LANCL3: variants seen among roughly 807,000 people sequenced by gnomAD.
LANCL3 encodes the protein LanC like family member 3.
In LANCL3, 19 loss-of-function variants were observed where a neutral mutation model predicts 26.5. The ratio of observed to expected loss-of-function variants is 0.72; its 90% CI spans 0.50 to 1.05. The LOEUF is 1.05. Among genes scored for constraint, LANCL3 ranks in the 50% least tolerant of loss-of-function variants. The pLI is 0.00. For missense variants in LANCL3, 318 were observed against 362.7 expected, an observed-to-expected ratio of 0.88 and a Z score of 1.00; for synonymous variants, 160 against 166.6, an observed-to-expected ratio of 0.96 and a Z score of 0.30.
chrX:37,610,021 T>C (rs1175721548), intron 1 of LANCL3, among the ~76,000 whole-genome samples: 4 of 112,434 alleles, frequency 3.6e-5, no homozygotes, highest in Non-Finnish European at 7.5e-5. Flanking sequence ...ATAATGGCAA[T>C]CATTTATTTT....
intron 1 of LANCL3, among the ~76,000 whole-genome samples, chrX:37,630,714 G>A (rs1348115054): frequency 9.0e-6 from 1 of 110,623 alleles, no homozygotes; most frequent in Middle Eastern, 4.6e-3. Context: ...ATAATCATGC[G>A]GTTTTTGTCT....
intron 1 of LANCL3, among the ~76,000 whole-genome samples, chrX:37,607,229 T>G (rs1602105414): frequency 8.9e-6 from 1 of 112,633 alleles, no homozygotes; most frequent in Non-Finnish European, 1.9e-5. Context: ...TTCTACTTCC[T>G]GAACCATTTT....
chrX:37,615,195 G>C (rs1378570717), intron 1 of LANCL3, among the ~76,000 whole-genome samples: 4 of 111,663 alleles, frequency 3.6e-5, no homozygotes, highest in Non-Finnish European at 7.5e-5. Context: ...AATGCGCGTA[G>C]AAGTCCCCAG....
intron 3 of LANCL3, among the ~76,000 whole-genome samples, chrX:37,666,111 G>A (rs1208978713): frequency 2.7e-5 from 3 of 111,801 alleles, no homozygotes; most frequent in Non-Finnish European, 3.8e-5. Flanking sequence ...CACTTAAAAA[G>A]GGTATGAAAT....
intron 1 of LANCL3, among the ~76,000 whole-genome samples, chrX:37,615,813 T>C (rs782558338): frequency 8.9e-6 from 1 of 111,996 alleles, no homozygotes; most frequent in Admixed American, 9.5e-5. Flanking sequence ...GCCTTTGCTT[T>C]TGAAAAAATA....
At chrX:37,629,360 A>C (rs1472489533) in intron 1 of LANCL3, among the ~76,000 whole-genome samples, 1 of 107,960 alleles carries the variant, frequency 9.3e-6, no homozygotes, top group Non-Finnish European at 1.9e-5. Flanking sequence ...CCTTTGTCAG[A>C]TGAGTAGGTT....
intron 1 of LANCL3, among the ~76,000 whole-genome samples, chrX:37,599,227 G>C (rs1356006622): frequency 8.9e-6 from 1 of 111,929 alleles, no homozygotes; most frequent in African/African-American, 3.2e-5. Flanking sequence ...CTCTGGTGAT[G>C]TATCAGTATG....
intron 1 of LANCL3, among the ~76,000 whole-genome samples, chrX:37,603,937 C>T (rs911300406): frequency 8.9e-6 from 1 of 112,328 alleles, no homozygotes; most frequent in Non-Finnish European, 1.9e-5. Flanking sequence ...TATCTCACCT[C>T]TACAAAATGA....
At chrX:37,642,649 A>G (rs782140489) in intron 1 of LANCL3, among the ~76,000 whole-genome samples, 2 of 112,144 alleles carry the variant, frequency 1.8e-5, no homozygotes, top group African/African-American at 6.5e-5. Flanking sequence ...AAGCTCCTGC[A>G]GATTCCTCCA....
At chrX:37,572,891 G>C (rs781969833) in intron 1 of LANCL3, among the ~76,000 whole-genome samples, 2 of 112,098 alleles carry the variant, frequency 1.8e-5, no homozygotes, top group East Asian at 5.6e-4. Flanking sequence ...GGAGCCCTGG[G>C]TCTGTAACCA....
At chrX:37,576,011 TTC>T (rs1241535027) in intron 1 of LANCL3, among the ~76,000 whole-genome samples, 2 of 112,072 alleles carry the variant, frequency 1.8e-5, no homozygotes, top group Non-Finnish European at 3.8e-5. Flanking sequence ...CTGATTCTAT[TTC>T]TCACTTTGTG....
At chrX:37,645,142 C>T (rs1483843470) in intron 1 of LANCL3, among the ~76,000 whole-genome samples, 13 of 112,337 alleles carry the variant, frequency 1.2e-4, no homozygotes, top group Admixed American at 5.7e-4. Flanking sequence ...ATCTTTAAAG[C>T]CAGCAGTCAG....
At chrX:37,671,986 C>T (rs1201419728) in intron 4 of LANCL3, among the ~76,000 whole-genome samples, 1 of 111,363 alleles carries the variant, frequency 9.0e-6, no homozygotes, top group Non-Finnish European at 1.9e-5. Flanking sequence ...ATCATCTAGG[C>T]TAGTGGGATT....
chrX:37,680,396 G>A lies in LANCL3; in HGVS notation c.*4583G>A, dbSNP rs1926908392. On this transcript the variant is annotated 3_prime_UTR_variant, in exon 5 of 5. Coordinates refer to ENST00000378619, the MANE Select transcript of LANCL3 (RefSeq NM_001170331.2). Reference sequence around the variant, plus strand: ...AGTACCAATGAATCGAGGCCTGGTGGATGATGCCTTTAGAGTTTTTTGTTT... The same window carrying A: ...AGTACCAATGAATCGAGGCCTGGTGAATGATGCCTTTAGAGTTTTTTGTTT... 1.8e-5 allele frequency: 2 copies of A among 111,753 alleles called. 1 individual carries two copies. Among genetic ancestry groups the A allele is most frequent in the Admixed American group, 1.9e-4 (2 of 10,513 alleles). The allele number at this position is 111,753 out of a possible 1,213,427, so 9.2% of individuals were successfully genotyped here.
In LANCL3 at chrX:37,647,726, C is replaced by G. The variant is rs1187060015; in HGVS notation, c.574-7962C>G. On this transcript the variant is annotated intron_variant, in intron 1 of 4. Transcript: ENST00000378619. Reference sequence around the variant, plus strand: ...CCTAGGGTGGGAAGTCTAGCACCTCCTTACAGTTGTTTCAGATTCTGTAAG... The same window carrying G: ...CCTAGGGTGGGAAGTCTAGCACCTCGTTACAGTTGTTTCAGATTCTGTAAG... Among the ~76,000 whole-genome samples, 5 of 112,503 alleles carry G rather than the reference C, an allele frequency of 4.4e-5. No homozygotes were observed. The South Asian group carries it at 1.5e-3, about 33-fold the overall frequency.
chrX:37,662,473 A>C (rs1556432736), intron 3 of LANCL3, among the ~76,000 whole-genome samples: 1 of 111,735 alleles, frequency 8.9e-6, no homozygotes, highest in Admixed American at 9.5e-5. Flanking sequence ...AGGCTTTTGC[A>C]GTGCAGATAT....
chrX:37,639,258 CAT>C (rs782214661), intron 1 of LANCL3, among the ~76,000 whole-genome samples: 1 of 100,363 alleles, frequency 1.0e-5, no homozygotes, highest in African/African-American at 3.6e-5. Context: ...TACACACATA[CAT>C]ATATATACAT....
chrX:37,572,719 G>A (rs1241890313), intron 1 of LANCL3, among the ~76,000 whole-genome samples: 3 of 112,414 alleles, frequency 2.7e-5, no homozygotes, highest in Non-Finnish European at 5.6e-5. Context: ...TTAGCTTTCT[G>A]GGGGATGACA....
intron 1 of LANCL3, among the ~76,000 whole-genome samples, chrX:37,653,159 A>G (rs1926198896): frequency 9.0e-6 from 1 of 110,983 alleles, no homozygotes; most frequent in East Asian, 2.8e-4. Context: ...TTTTGAAATA[A>G]TATTTTATAA....
Sources: gnomAD v4.1 joint callset for allele counts (sites outside exome capture counted in the v4.1 genomes callset) on GRCh38, gnomAD v4.1.1 for gene constraint, MANE v1.5 for transcripts, NCBI Gene and HGNC (gene_info 2026-07-23, HGNC 2026-07-21) for gene names.